Variants in RALGAPA1 observed in about 807,000 individuals in gnomAD.
The protein encoded by RALGAPA1 is Ral GTPase activating protein catalytic subunit alpha 1.
A neutral mutation model predicts 269.6 loss-of-function variants in RALGAPA1; 52 were observed. The ratio of observed to expected loss-of-function variants is 0.19; its 90% CI spans 0.15 to 0.24. The LOEUF (loss-of-function observed/expected upper bound fraction) is 0.24. Ranked by LOEUF, RALGAPA1 falls within the 10% of genes least tolerant of loss-of-function variation. RALGAPA1 has a pLI of 1.00. For synonymous variants in RALGAPA1, 817 were observed against 1,008.3 expected, an observed-to-expected ratio of 0.81 and a Z score of 3.60; for missense variants, 1,917 against 3,013.9, an observed-to-expected ratio of 0.64 and a Z score of 8.52.
intron 1 of RALGAPA1, among the ~76,000 whole-genome samples, chr14:35,799,452 C>G (rs1026992842): frequency 6.6e-6 from 1 of 151,770 alleles, no homozygotes; most frequent in African/African-American, 2.4e-5. Context: ...ATCCCAGCTA[C>G]TTGGGAAGCT....
chr14:35,710,911 T>C (rs911309641), intron 16 of RALGAPA1, among the ~76,000 whole-genome samples: 3 of 152,228 alleles, frequency 2.0e-5, no homozygotes, highest in African/African-American at 4.8e-5. Flanking sequence ...AGCCTAGGTA[T>C]GTAGTAGACT....
intron 13 of RALGAPA1, among the ~76,000 whole-genome samples, chr14:35,726,300 G>A (rs2069907177): frequency 6.6e-6 from 1 of 152,130 alleles, no homozygotes; most frequent in Non-Finnish European, 1.5e-5. Context: ...AAAAATCAAA[G>A]GTGCCACATT....
chr14:35,592,083 A>C (rs2058674872), intron 37 of RALGAPA1, among the ~76,000 whole-genome samples: 1 of 152,214 alleles, frequency 6.6e-6, no homozygotes, highest in South Asian at 2.1e-4. Context: ...AGTCTCAGGC[A>C]GTTTCTTTAT....
At chr14:35,763,851 T>A (rs568654294) in intron 4 of RALGAPA1, among the ~76,000 whole-genome samples, 2 of 152,008 alleles carry the variant, frequency 1.3e-5, no homozygotes, top group African/African-American at 2.4e-5. Context: ...ATTAGATAAT[T>A]TTCTCCAAAG....
chr14:35,734,085 C>T (rs756609354), intron 12 of RALGAPA1, among the ~76,000 whole-genome samples: 1 of 152,152 alleles, frequency 6.6e-6, no homozygotes, highest in Admixed American at 6.5e-5. Context: ...ACATCCCATG[C>T]TCATGGATGG....
intron 35 of RALGAPA1, among the ~76,000 whole-genome samples, chr14:35,615,015 C>T (rs183262543): frequency 5.3e-5 from 8 of 151,226 alleles, no homozygotes; most frequent in African/African-American, 1.5e-4. Flanking sequence ...TCTTTCACTA[C>T]TCCTTCTTAT....
At chr14:35,712,040 A>C (rs1410812683) in intron 16 of RALGAPA1, among the ~76,000 whole-genome samples, 1 of 152,176 alleles carries the variant, frequency 6.6e-6, no homozygotes, top group Non-Finnish European at 1.5e-5. Context: ...TGAGGTCAGG[A>C]CTTTGAGACC....
chr14:35,711,465 T>G (rs1335007610), intron 16 of RALGAPA1, among the ~76,000 whole-genome samples: 3 of 152,200 alleles, frequency 2.0e-5, no homozygotes, highest in Non-Finnish European at 4.4e-5. Flanking sequence ...TTTTTCTTTT[T>G]AAGACAGGGT....
chr14:35,560,939 C>T (rs566055067), intron 39 of RALGAPA1, among the ~76,000 whole-genome samples: 6 of 152,036 alleles, frequency 3.9e-5, no homozygotes, highest in South Asian at 2.1e-4. Context: ...TTTTAAAATA[C>T]GGTAACATCG....
At chr14:35,753,929 T>C (rs1431537096) in intron 7 of RALGAPA1, among the ~76,000 whole-genome samples, 2 of 152,104 alleles carry the variant, frequency 1.3e-5, no homozygotes, top group African/African-American at 4.8e-5. Context: ...TCCTAAAACA[T>C]GTGAAATTTC....
intron 39 of RALGAPA1, among the ~76,000 whole-genome samples, chr14:35,558,764 C>G (rs920991624): frequency 6.6e-6 from 1 of 152,134 alleles, no homozygotes; most frequent in Non-Finnish European, 1.5e-5. Context: ...CAGTTTGCAA[C>G]TCGACAATGG....
Position 35,738,540 on chromosome 14 carries a change from T to A in RALGAPA1, c.1560A>T (p.Ile520=), listed in dbSNP as rs747059492. The part of the protein sequence containing the change: ...NASEEATEQN[I]RAGTQAVLQV... ...GCAAAACTGCCTGGGTACCAGCTCG[T>A]ATGTTTTGTTCTGTGGCTTCTTCAG... is the stretch of plus-strand genomic sequence containing the variant. Residue 520 remains isoleucine (I), a synonymous_variant, in exon 12 of 42, where the codon ATA becomes ATT. Coordinates refer to ENST00000680220, the MANE Select transcript of RALGAPA1 (RefSeq NM_001346249.2). The A allele has an allele frequency of 6.2e-7, 1 of 1,608,922 alleles. No individual in the cohort carries two copies. Among genetic ancestry groups the A allele is most frequent in the East Asian group, 2.2e-5 (1 of 44,794 alleles).
chr14:35,600,325 G>A (rs180695397), intron 36 of RALGAPA1, among the ~76,000 whole-genome samples: 2 of 145,356 alleles, frequency 1.4e-5, no homozygotes, highest in Admixed American at 1.4e-4. Context: ...CCACCTCCGG[G>A]ACTCAAGCAA....
At chr14:35,604,033 T>G (rs1426817979) in intron 36 of RALGAPA1, among the ~76,000 whole-genome samples, 2 of 152,172 alleles carry the variant, frequency 1.3e-5, no homozygotes, top group Non-Finnish European at 2.9e-5. Flanking sequence ...GATAAATGTT[T>G]GAAGTGATGG....
At chr14:35,607,263 A>C (rs1310257711) in intron 35 of RALGAPA1, among the ~76,000 whole-genome samples, 1 of 152,132 alleles carries the variant, frequency 6.6e-6, no homozygotes, top group Non-Finnish European at 1.5e-5. Flanking sequence ...AATGTTGCAG[A>C]AGTTTTGCCC....
At chr14:35,634,341 C>A (rs934734531) in intron 33 of RALGAPA1, among the ~76,000 whole-genome samples, 4 of 152,170 alleles carry the variant, frequency 2.6e-5, no homozygotes, top group Non-Finnish European at 4.4e-5. Flanking sequence ...TGGTCCCATG[C>A]ATTTCAGATA....
chr14:35,654,530 A>T (rs1293904498), intron 29 of RALGAPA1, 53 bp from the exon 30 acceptor site: 1 of 1,524,860 alleles, frequency 6.6e-7, no homozygotes, highest in Middle Eastern at 1.8e-4. Flanking sequence ...CTTTTCATCA[A>T]TGTATTATCT....
chr14:35,734,417 T>A (rs2070785525), intron 12 of RALGAPA1, among the ~76,000 whole-genome samples: 1 of 152,132 alleles, frequency 6.6e-6, no homozygotes, highest in Non-Finnish European at 1.5e-5. Context: ...TACAGCCAAC[T>A]GATCTTCGAC....
chr14:35,778,458 C>G (rs1291238164), intron 1 of RALGAPA1, among the ~76,000 whole-genome samples: 1 of 152,136 alleles, frequency 6.6e-6, no homozygotes, highest in East Asian at 1.9e-4. Context: ...CCCTTGGATT[C>G]TGTACATTTC....
Sources: gnomAD v4.1 joint callset for allele counts (sites outside exome capture counted in the v4.1 genomes callset) on GRCh38, gnomAD v4.1.1 for gene constraint, MANE v1.5 for transcripts, NCBI Gene and HGNC (gene_info 2026-07-23, HGNC 2026-07-21) for gene names.